Variants in TNR observed in about 807,000 individuals in gnomAD.
The protein encoded by TNR is tenascin R, also known as tenascin-R.
Under a neutral mutation model 150.4 loss-of-function variants are expected in TNR, and 45 were observed. That is an observed-to-expected ratio of 0.30 (90% CI 0.24 to 0.38). TNR has a LOEUF of 0.38. Among genes scored for constraint, TNR ranks in the 10% least tolerant of loss-of-function variants. The pLI, the probability that TNR is intolerant of heterozygous loss-of-function variation, is 1.00. For synonymous variants in TNR, 687 were observed against 678.4 expected, an observed-to-expected ratio of 1.01 and a Z score of -0.20; for missense variants, 1,544 against 1,759.1, an observed-to-expected ratio of 0.88 and a Z score of 2.19.
chr1:175,618,213 C>T (rs1388903423), intron 1 of TNR, among the ~76,000 whole-genome samples: 1 of 152,158 alleles, frequency 6.6e-6, no homozygotes, highest in Non-Finnish European at 1.5e-5. Context: ...GTTTATTGCC[C>T]ACTAATCAGA....
intron 20 of TNR, among the ~76,000 whole-genome samples, chr1:175,330,998 A>ATTCT (rs764826338): frequency 0.045 from 3,263 of 72,664 alleles, 242 homozygotes; most frequent in Middle Eastern, 0.054. Context: ...CCTCTTGGTG[A>ATTCT]TTCTTTCTTT....
At chr1:175,580,420 C>T (rs73048401) in intron 1 of TNR, among the ~76,000 whole-genome samples, 2,560 of 152,250 alleles carry the variant, frequency 0.017, 64 homozygotes, top group African/African-American at 0.059. Flanking sequence ...TTACAGAGAT[C>T]CAAGGGAGGG....
intron 1 of TNR, among the ~76,000 whole-genome samples, chr1:175,630,545 TTC>T: frequency 6.6e-6 from 1 of 152,260 alleles, no homozygotes; most frequent in South Asian, 2.1e-4. Context: ...ACTCCACTCG[TTC>T]TCTCTCTCTT....
intron 2 of TNR, among the ~76,000 whole-genome samples, chr1:175,425,189 T>C (rs1654917368): frequency 6.6e-6 from 1 of 152,112 alleles, no homozygotes; most frequent in South Asian, 2.1e-4. Context: ...CAGCTCTGGA[T>C]TAGCACTACT....
chr1:175,381,405 T>C (rs994873990), intron 8 of TNR, among the ~76,000 whole-genome samples: 2 of 152,212 alleles, frequency 1.3e-5, no homozygotes, highest in Non-Finnish European at 2.9e-5. Context: ...TGTTGTTGTT[T>C]TGTATTTTTG....
At chr1:175,499,394 G>A (rs1036587902) in intron 2 of TNR, among the ~76,000 whole-genome samples, 1 of 152,190 alleles carries the variant, frequency 6.6e-6, no homozygotes, top group Admixed American at 6.5e-5. Context: ...TCCCTGCAAG[G>A]CTGATGGGAG....
At position 175,699,329 on chromosome 1, in the gene TNR, T is replaced by C. The variant is rs114756804; in HGVS notation, c.-165+43897A>G. Among the ~76,000 whole-genome samples, 1,351 of 152,266 alleles carry C rather than the reference T, an allele frequency of 8.9e-3. 28 individuals carry two copies. Among genetic ancestry groups the C allele is most frequent in the African/African-American group, 0.031 (1,279 of 41,536 alleles). On this transcript the variant is annotated intron_variant, in intron 1 of 22. Coordinates refer to ENST00000367674, the MANE Select transcript of TNR (RefSeq NM_003285.3). The stretch of plus-strand genomic sequence containing the variant: ...GAGAGTGAATGGACAGGAAAGATAG[T>C]GTGGCATTGCCCACCAGAGCTGAGG...
intron 1 of TNR, among the ~76,000 whole-genome samples, chr1:175,738,111 T>C (rs1667825604): frequency 6.6e-6 from 1 of 152,144 alleles, no homozygotes; most frequent in South Asian, 2.1e-4. Flanking sequence ...TCCTCCTCCG[T>C]TTGCCTCCAA....
intron 21 of TNR, among the ~76,000 whole-genome samples, chr1:175,329,702 G>A (rs891619885): frequency 1.3e-5 from 2 of 152,214 alleles, no homozygotes; most frequent in Non-Finnish European, 2.9e-5. Context: ...CTGCATAAGA[G>A]CCCATAGTGA....
chr1:175,396,548 G>A lies in TNR; in HGVS notation c.1236C>T (p.Ala412=). Residue 412 remains alanine, a synonymous_variant, in exon 5 of 23, where the codon GCC becomes GCT. Coordinates refer to ENST00000367674, the MANE Select transcript of TNR (RefSeq NM_003285.3). ...ILSLPITAKV[A]THLSTPQGLQ... ...GGACGGGGAAATGGTACGTACGGGT[G>A]GCCACCTTGGCAGTGATGGGAAGGC... 5 of 1,613,586 alleles carry A rather than the reference G, an allele frequency of 3.1e-6. No homozygotes were observed. Among genetic ancestry groups the A allele is most frequent in the Non-Finnish European group, 4.2e-6 (5 of 1,179,560 alleles).
chr1:175,567,205 C>T (rs1049161951), intron 1 of TNR, among the ~76,000 whole-genome samples: 1 of 152,016 alleles, frequency 6.6e-6, no homozygotes, highest in Non-Finnish European at 1.5e-5. Flanking sequence ...TTGTTTGGAA[C>T]AATATTTAAG....
At chr1:175,401,701 C>T (rs1033239029) in intron 4 of TNR, among the ~76,000 whole-genome samples, 12 of 152,196 alleles carry the variant, frequency 7.9e-5, no homozygotes, top group African/African-American at 2.6e-4. Flanking sequence ...ACATTGCCTG[C>T]CACGTAGGAG....
intron 2 of TNR, among the ~76,000 whole-genome samples, chr1:175,525,641 C>T (rs1659818374): frequency 6.6e-6 from 1 of 152,238 alleles, no homozygotes; most frequent in Non-Finnish European, 1.5e-5. Flanking sequence ...CCCCGGGTGC[C>T]CTCCTTCACC....
At chr1:175,476,991 G>C (rs974053833) in intron 2 of TNR, among the ~76,000 whole-genome samples, 1 of 152,172 alleles carries the variant, frequency 6.6e-6, no homozygotes, top group Non-Finnish European at 1.5e-5. Context: ...GAGTATAATG[G>C]AGAGACAGGA....
intron 1 of TNR, among the ~76,000 whole-genome samples, chr1:175,627,525 T>C (rs1664190547): frequency 6.6e-6 from 1 of 152,200 alleles, no homozygotes; most frequent in African/African-American, 2.4e-5. Flanking sequence ...TTATGTGATT[T>C]TGAACCACAA....
intron 1 of TNR, among the ~76,000 whole-genome samples, chr1:175,600,088 G>T (rs1018287878): frequency 1.3e-5 from 2 of 152,204 alleles, no homozygotes; most frequent in Non-Finnish European, 2.9e-5. Flanking sequence ...TGGACTCGGG[G>T]ATTGGAACCC....
At chr1:175,429,613 A>C (rs1046630539) in intron 2 of TNR, among the ~76,000 whole-genome samples, 4 of 152,228 alleles carry the variant, frequency 2.6e-5, no homozygotes, top group Non-Finnish European at 2.9e-5. Flanking sequence ...GTAAAACCAA[A>C]GGGCCTTCTT....
At chr1:175,631,614 G>T (rs1664330013) in intron 1 of TNR, among the ~76,000 whole-genome samples, 1 of 152,110 alleles carries the variant, frequency 6.6e-6, no homozygotes, top group Non-Finnish European at 1.5e-5. Context: ...ATATATTGGG[G>T]GTCAGTTTGC....
intron 1 of TNR, among the ~76,000 whole-genome samples, chr1:175,631,507 C>G (rs1032425391): frequency 6.6e-6 from 1 of 152,024 alleles, no homozygotes; most frequent in Non-Finnish European, 1.5e-5. Flanking sequence ...AGCTCACCAG[C>G]TGTTATTAGT....
Sources: gnomAD v4.1 joint callset for allele counts (sites outside exome capture counted in the v4.1 genomes callset) on GRCh38, gnomAD v4.1.1 for gene constraint, MANE v1.5 for transcripts, NCBI Gene and HGNC (gene_info 2026-07-23, HGNC 2026-07-21) for gene names.